GRID1: variants seen among roughly 807,000 people sequenced by gnomAD.
GRID1 encodes the protein glutamate ionotropic receptor delta type subunit 1, also known as glutamate receptor ionotropic, delta-1.
In GRID1, 28 loss-of-function variants were observed where a neutral mutation model predicts 98.0. The ratio of observed to expected loss-of-function variants is 0.29; its 90% CI spans 0.21 to 0.39. GRID1 has a LOEUF of 0.39. Among genes scored for constraint, GRID1 ranks in the 10% least tolerant of loss-of-function variants. The pLI is 1.00. For synonymous variants in GRID1, 553 were observed against 538.5 expected, an observed-to-expected ratio of 1.03 and a Z score of -0.37; for missense variants, 1,111 against 1,340.5, an observed-to-expected ratio of 0.83 and a Z score of 2.67.
At chr10:85,970,467 A>G (rs1193095300) in intron 4 of GRID1, among the ~76,000 whole-genome samples, 1 of 152,092 alleles carries the variant, frequency 6.6e-6, no homozygotes, top group Non-Finnish European at 1.5e-5. Context: ...AGAATTATAC[A>G]TGACCGTCAA....
At chr10:85,822,232 C>T (rs1475388447) in intron 8 of GRID1, among the ~76,000 whole-genome samples, 2 of 152,126 alleles carry the variant, frequency 1.3e-5, no homozygotes, top group African/African-American at 4.8e-5. Flanking sequence ...AAACAAACTA[C>T]CATCAGAGTG....
intron 8 of GRID1, among the ~76,000 whole-genome samples, chr10:85,805,163 A>G (rs1341647885): frequency 6.6e-6 from 1 of 151,520 alleles, no homozygotes; most frequent in Admixed American, 6.6e-5. Flanking sequence ...GATCTAATAC[A>G]TATTTAACAA....
intron 4 of GRID1, among the ~76,000 whole-genome samples, chr10:85,937,710 A>G (rs1841945174): frequency 6.6e-6 from 1 of 152,128 alleles, no homozygotes; most frequent in Non-Finnish European, 1.5e-5. Context: ...CCACTGGAAC[A>G]TTTGGCAATG....
intron 4 of GRID1, among the ~76,000 whole-genome samples, chr10:85,959,519 C>A (rs1842237884): frequency 6.6e-6 from 1 of 152,168 alleles, no homozygotes; most frequent in Admixed American, 6.5e-5. Flanking sequence ...CTGTGCACTG[C>A]CAGCCAGTCT....
At chr10:85,930,309 C>A (rs61855979) in intron 4 of GRID1, among the ~76,000 whole-genome samples, 1 of 104,160 alleles carries the variant, frequency 9.6e-6, no homozygotes, top group Admixed American at 9.6e-5. Flanking sequence ...AAATAACTTG[C>A]GGTTATTTAT....
Position 86,112,861 on chromosome 10 carries a change from G to A in GRID1, c.726+25958C>T, listed in dbSNP as rs142526402. ...AGCCTGGCCATGCTCACAGCCTGGG[G>A]GCTTTGGCTGAGGGATGCATGTTTT... On this transcript the variant is annotated intron_variant, in intron 4 of 15. Coordinates refer to ENST00000327946, the MANE Select transcript of GRID1 (RefSeq NM_017551.3). Among the ~76,000 whole-genome samples, 456 of 152,262 alleles carry A rather than the reference G, an allele frequency of 3.0e-3. 2 individuals are homozygous for A. Among genetic ancestry groups the A allele is most frequent in the African/African-American group, 0.011 (442 of 41,564 alleles).
chr10:85,743,862 C>A (rs1335255961), intron 8 of GRID1, among the ~76,000 whole-genome samples: 1 of 152,080 alleles, frequency 6.6e-6, no homozygotes, highest in Admixed American at 6.6e-5. Flanking sequence ...CCTTTGGTTT[C>A]TCTTAATTGC....
At chr10:85,958,398 T>C (rs559117120) in intron 4 of GRID1, among the ~76,000 whole-genome samples, 1 of 152,330 alleles carries the variant, frequency 6.6e-6, no homozygotes, top group South Asian at 2.1e-4. Context: ...TTGTTAATTT[T>C]ATATGTCTAT....
At chr10:85,990,036 T>C (rs1842661037) in intron 4 of GRID1, among the ~76,000 whole-genome samples, 1 of 152,222 alleles carries the variant, frequency 6.6e-6, no homozygotes, top group Non-Finnish European at 1.5e-5. Context: ...TGAATCTGTC[T>C]GCACTTGGAT....
At chr10:85,756,295 T>C (rs1448397859) in intron 8 of GRID1, among the ~76,000 whole-genome samples, 2 of 152,220 alleles carry the variant, frequency 1.3e-5, no homozygotes, top group East Asian at 3.9e-4. Context: ...GTTCTCGCCG[T>C]AGATCTTAGC....
rs368377364 is a variant in GRID1 at position 86,004,288 on chromosome 10, GA to G, written c.727-88050del. Among the ~76,000 whole-genome samples, 470 of 152,282 alleles carry G rather than the reference GA, an allele frequency of 3.1e-3. 2 individuals are homozygous for G. Among genetic ancestry groups the G allele is most frequent in the African/African-American group, 0.011 (445 of 41,546 alleles). On this transcript the variant is annotated intron_variant, in intron 4 of 15. Transcript: ENST00000327946. Reference sequence around the variant, plus strand: ...TTCTCCTGGAGGTTTACACATGTTTGAAAAATGTCCCAATTATCAAAGAAGA... The same window carrying G: ...TTCTCCTGGAGGTTTACACATGTTTGAAAATGTCCCAATTATCAAAGAAGA...
chr10:85,882,427 G>A (rs1304449588), intron 5 of GRID1, among the ~76,000 whole-genome samples: 1 of 152,156 alleles, frequency 6.6e-6, no homozygotes, highest in East Asian at 1.9e-4. Flanking sequence ...TATACACCAT[G>A]GAATACTATG....
Position 85,856,270 on chromosome 10 carries a change from G to A in GRID1, c.952-80C>T, listed in dbSNP as rs1052253680. 4 of 1,266,058 alleles carry A rather than the reference G, an allele frequency of 3.2e-6. No individual in the cohort carries two copies. The African/African-American group carries it at 5.9e-5, about 19-fold the overall frequency. 78.4% of individuals were successfully genotyped at this position (1,266,058 alleles called of 1,614,324 possible). A position where few individuals can be genotyped will look rare whatever the true frequency, so the allele number is the denominator to read the frequency against. ...TGGAGAAACCCACAGAAAGGAGGAG[G>A]AATGCAGGATGCCAACATTAAGCTG... is the stretch of plus-strand genomic sequence containing the variant. On this transcript the variant is annotated intron_variant, in intron 6 of 15. Transcript: ENST00000327946.
At chr10:85,640,318 C>G (rs572006203) in intron 13 of GRID1, among the ~76,000 whole-genome samples, 5 of 152,304 alleles carry the variant, frequency 3.3e-5, no homozygotes, top group Admixed American at 2.0e-4. Flanking sequence ...CCAATCCATA[C>G]TCACGTGGAA....
chr10:85,737,333 G>T (rs541987803), intron 8 of GRID1, among the ~76,000 whole-genome samples: 1 of 152,138 alleles, frequency 6.6e-6, no homozygotes, highest in South Asian at 2.1e-4. Flanking sequence ...GCAAGGATGG[G>T]GAAAAGATAC....
chr10:85,950,368 G>A (rs1225714817), intron 4 of GRID1, among the ~76,000 whole-genome samples: 12 of 152,180 alleles, frequency 7.9e-5, no homozygotes, highest in Admixed American at 5.2e-4. Context: ...TTAATAGCAC[G>A]TGCTAGCCAG....
At chr10:85,693,928 T>C (rs568036958) in intron 12 of GRID1, among the ~76,000 whole-genome samples, 2 of 152,166 alleles carry the variant, frequency 1.3e-5, no homozygotes, top group South Asian at 2.1e-4. Context: ...AGTAGACAAA[T>C]GGGAATTAAC....
At chr10:86,215,175 C>A (rs1846156956) in intron 2 of GRID1, among the ~76,000 whole-genome samples, 1 of 152,176 alleles carries the variant, frequency 6.6e-6, no homozygotes, top group African/African-American at 2.4e-5. Context: ...GGAGCACTAC[C>A]AGGCTGGGAG....
intron 2 of GRID1, among the ~76,000 whole-genome samples, chr10:86,323,679 C>T (rs1428439201): frequency 6.6e-6 from 1 of 152,164 alleles, no homozygotes; most frequent in African/African-American, 2.4e-5. Flanking sequence ...GGTACAGGGT[C>T]TCTTCTCAGG....
Sources: gnomAD v4.1 joint callset for allele counts (sites outside exome capture counted in the v4.1 genomes callset) on GRCh38, gnomAD v4.1.1 for gene constraint, MANE v1.5 for transcripts, NCBI Gene and HGNC (gene_info 2026-07-23, HGNC 2026-07-21) for gene names.